The following FRMD4A variants were observed in gnomAD, a reference collection of about 807,000 sequenced individuals.
FRMD4A encodes FERM domain containing 4A, also known as FERM domain-containing protein 4A.
A neutral mutation model predicts 129.1 loss-of-function variants in FRMD4A; 29 were observed. The observed-to-expected ratio is 0.22, with a 90% CI of 0.17 to 0.31. The LOEUF is 0.31. Among genes scored for constraint, FRMD4A ranks in the 10% least tolerant of loss-of-function variants. FRMD4A has a pLI of 1.00. For synonymous variants in FRMD4A, 634 were observed against 571.6 expected, an observed-to-expected ratio of 1.11 and a Z score of -1.56; for missense variants, 1,272 against 1,375.8, an observed-to-expected ratio of 0.92 and a Z score of 1.19.
intron 12 of FRMD4A, 153 bp from the exon 13 acceptor site, chr10:13,707,266 A>G: frequency 5.2e-6 from 4 of 772,780 alleles, no homozygotes; most frequent in Non-Finnish European, 7.9e-6. Flanking sequence ...TGACACACAC[A>G]CACACATACA....
chr10:14,079,504 T>C (rs1835804375), intron 2 of FRMD4A, among the ~76,000 whole-genome samples: 1 of 152,216 alleles, frequency 6.6e-6, no homozygotes, highest in South Asian at 2.1e-4. Flanking sequence ...CCTGATTTCA[T>C]CTTTTTGACA....
intron 15 of FRMD4A, chr10:13,685,661 C>A (rs2085004586): frequency 1.0e-6 from 1 of 983,656 alleles, no homozygotes; most frequent in Non-Finnish European, 1.2e-6. Context: ...AGTTATATCT[C>A]TTTTTAGTAT....
At chr10:14,031,488 G>C (rs1191284976) in intron 2 of FRMD4A, among the ~76,000 whole-genome samples, 1 of 152,152 alleles carries the variant, frequency 6.6e-6, no homozygotes, top group Admixed American at 6.5e-5. Context: ...GGCTGGTCTT[G>C]AACTCCTGGC....
chr10:14,164,487 A>G (rs1564354509), intron 2 of FRMD4A, among the ~76,000 whole-genome samples: 2 of 152,200 alleles, frequency 1.3e-5, no homozygotes, highest in African/African-American at 4.8e-5. Context: ...TCGCATGGTT[A>G]AAAATACATG....
intron 2 of FRMD4A, among the ~76,000 whole-genome samples, chr10:14,249,696 G>A (rs1383394599): frequency 1.3e-5 from 2 of 152,182 alleles, no homozygotes; most frequent in Non-Finnish European, 2.9e-5. Flanking sequence ...ATTCATGATA[G>A]CATTATTCTT....
At chr10:13,890,377 G>T in intron 2 of FRMD4A, 1 of 208,144 alleles carries the variant, frequency 4.8e-6, no homozygotes, top group Non-Finnish European at 8.4e-6. Flanking sequence ...ACTTCCCCAG[G>T]GTCAGCAGTG....
intron 2 of FRMD4A, among the ~76,000 whole-genome samples, chr10:14,247,260 C>T (rs1003224582): frequency 2.0e-5 from 3 of 152,146 alleles, no homozygotes; most frequent in African/African-American, 7.2e-5. Context: ...TTGCCATCTA[C>T]ACAACTAGAG....
chr10:14,019,894 T>C (rs1832656995), intron 2 of FRMD4A, among the ~76,000 whole-genome samples: 1 of 152,244 alleles, frequency 6.6e-6, no homozygotes, highest in Non-Finnish European at 1.5e-5. Context: ...TGATTTCCTC[T>C]GTTTCTTTTT....
chr10:14,261,118 T>C (rs537877353), intron 2 of FRMD4A, among the ~76,000 whole-genome samples: 1 of 152,314 alleles, frequency 6.6e-6, no homozygotes, highest in Admixed American at 6.5e-5. Context: ...GTCTATGGTG[T>C]CTTTGATCCA....
chr10:14,064,533 T>A (rs1342301988), intron 2 of FRMD4A, among the ~76,000 whole-genome samples: 1 of 152,204 alleles, frequency 6.6e-6, no homozygotes, highest in Non-Finnish European at 1.5e-5. Context: ...TGATTCTCAT[T>A]ACTCTGGTCC....
intron 2 of FRMD4A, among the ~76,000 whole-genome samples, chr10:14,262,304 A>G (rs760555626): frequency 6.6e-6 from 1 of 152,158 alleles, no homozygotes; most frequent in Non-Finnish European, 1.5e-5. Flanking sequence ...ACCCTGGGTG[A>G]GTTACCCACC....
chr10:14,226,679 A>AC (rs1843448055), intron 2 of FRMD4A, among the ~76,000 whole-genome samples: 1 of 152,132 alleles, frequency 6.6e-6, no homozygotes, highest in African/African-American at 2.4e-5. Context: ...ACTCCAACAT[A>AC]TAAATGTGAG....
intron 6 of FRMD4A, among the ~76,000 whole-genome samples, chr10:13,769,610 C>T (rs1463513304): frequency 6.6e-6 from 1 of 152,024 alleles, no homozygotes; most frequent in African/African-American, 2.4e-5. Context: ...GTGTCCGGCC[C>T]CGAGTTGCCC....
chr10:13,870,805 G>A (rs930903978), intron 2 of FRMD4A: 9 of 152,370 alleles, frequency 5.9e-5, no homozygotes, highest in African/African-American at 2.2e-4. Flanking sequence ...CGGGAGGCAA[G>A]CCCATGTGGG....
chr10:14,237,182 C>T (rs556828065), intron 2 of FRMD4A, among the ~76,000 whole-genome samples: 1 of 151,902 alleles, frequency 6.6e-6, no homozygotes, highest in South Asian at 2.1e-4. Context: ...GGAGATAGAA[C>T]CTGGAGTGAC....
chr10:13,815,063 C>A (rs1219820289), intron 3 of FRMD4A, among the ~76,000 whole-genome samples: 1 of 152,146 alleles, frequency 6.6e-6, no homozygotes, highest in Non-Finnish European at 1.5e-5. Flanking sequence ...CACCTACATC[C>A]TGGATATGTC....
At chr10:13,982,021 C>A (rs1364223273) in intron 2 of FRMD4A, among the ~76,000 whole-genome samples, 1 of 152,114 alleles carries the variant, frequency 6.6e-6, no homozygotes, top group African/African-American at 2.4e-5. Flanking sequence ...CTGATCCTCC[C>A]GTCTCTGGCC....
At chr10:13,725,493 G>A (rs1213606758) in intron 12 of FRMD4A, among the ~76,000 whole-genome samples, 36 of 152,066 alleles carry the variant, frequency 2.4e-4, no homozygotes, top group Admixed American at 2.2e-3. Context: ...TTACTCTCAT[G>A]CAATAGTTGC....
intron 2 of FRMD4A, among the ~76,000 whole-genome samples, chr10:14,031,425 G>A (rs1833239329): frequency 2.0e-5 from 3 of 152,150 alleles, no homozygotes; most frequent in African/African-American, 7.2e-5. Flanking sequence ...CAACCACCAT[G>A]CCTGGCTAAT....
Sources: gnomAD v4.1 joint callset for allele counts (sites outside exome capture counted in the v4.1 genomes callset) on GRCh38, gnomAD v4.1.1 for gene constraint, MANE v1.5 for transcripts, NCBI Gene and HGNC (gene_info 2026-07-23, HGNC 2026-07-21) for gene names.